The following CHST8 variants were observed in gnomAD, a reference collection of about 807,000 sequenced individuals.
CHST8 encodes GALNAC-4-ST1.
Under a neutral mutation model 15.0 loss-of-function variants are expected in CHST8, and 10 were observed. The observed-to-expected ratio is 0.67, with a 90% CI of 0.41 to 1.13. The LOEUF is 1.13. Among genes scored for constraint, CHST8 ranks in the 50% most tolerant of loss-of-function variants. The pLI, the probability that CHST8 is intolerant of heterozygous loss-of-function variation, is 0.00. For missense variants in CHST8, 634 were observed against 608.2 expected (o/e 1.04, Z -0.45); for synonymous variants, 259 against 256.6 (o/e 1.01, Z -0.09).
At chr19:33,710,872 GTTTT>G (rs10532515) in intron 3 of CHST8, among the ~76,000 whole-genome samples, 1 of 138,620 alleles carries the variant, frequency 7.2e-6, no homozygotes, top group Admixed American at 7.2e-5. Flanking sequence ...AATTTCTGGA[GTTTT>G]TTTTTTTTTT....
At chr19:33,696,789 A>C (rs888478556) in intron 3 of CHST8, among the ~76,000 whole-genome samples, 1 of 151,460 alleles carries the variant, frequency 6.6e-6, no homozygotes, top group African/African-American at 2.4e-5. Flanking sequence ...TCCCACCAGC[A>C]GTGAAAAGCG....
At chr19:33,724,242 GAC>G (rs1973852060) in intron 3 of CHST8, among the ~76,000 whole-genome samples, 1 of 152,114 alleles carries the variant, frequency 6.6e-6, no homozygotes, top group African/African-American at 2.4e-5. Flanking sequence ...GCCCCCTCCT[GAC>G]ACACCCTGCC....
intron 2 of CHST8, among the ~76,000 whole-genome samples, chr19:33,687,333 G>A (rs1001688638): frequency 2.6e-5 from 4 of 152,252 alleles, no homozygotes; most frequent in Non-Finnish European, 5.9e-5. Context: ...CCCCGCACAA[G>A]GGGCTTTGAG....
chr19:33,647,387 AG>A (rs2145206396), intron 1 of CHST8, among the ~76,000 whole-genome samples: 1 of 152,334 alleles, frequency 6.6e-6, no homozygotes, highest in East Asian at 1.9e-4. Flanking sequence ...CAGGTGGGTG[AG>A]GACCAAGGGC....
chr19:33,649,586 A>G (rs1208366483), intron 1 of CHST8, among the ~76,000 whole-genome samples: 1 of 152,208 alleles, frequency 6.6e-6, no homozygotes, highest in Non-Finnish European at 1.5e-5. Flanking sequence ...CTGGACGCAT[A>G]CATACTGAAC....
Position 33,772,197 on chromosome 19 carries a change from C to T in CHST8, c.409C>T (p.Pro137Ser). 1 of 1,592,938 alleles carries T rather than the reference C, an allele frequency of 6.3e-7. No individual in the cohort carries two copies. Among genetic ancestry groups the T allele is most frequent in the Non-Finnish European group, 8.5e-7 (1 of 1,172,984 alleles). Residue 137 changes from proline to serine, a missense_variant, in exon 5 of 5, where the codon CCG becomes TCG. Transcript: ENST00000650847. ...ANSSDAPFIR[P>S]GPGTLDGRWV... The stretch of plus-strand genomic sequence containing the variant: ...CAGCTCGGACGCGCCCTTCATCCGG[C>T]CGGGACCCGGGACGCTGGATGGCCG...
At chr19:33,662,106 A>G (rs1016119819) in intron 1 of CHST8, among the ~76,000 whole-genome samples, 22 of 152,058 alleles carry the variant, frequency 1.4e-4, no homozygotes, top group Admixed American at 1.0e-3. Flanking sequence ...TTTGAGACGG[A>G]GTCTCACTGT....
chr19:33,661,838 C>T (rs772890028), intron 1 of CHST8, among the ~76,000 whole-genome samples: 1 of 143,916 alleles, frequency 6.9e-6, no homozygotes, highest in Non-Finnish European at 1.5e-5. Flanking sequence ...CGAGACCACC[C>T]TGGGCAACAC....
chr19:33,625,881 A>G (rs1568306430), intron 1 of CHST8, among the ~76,000 whole-genome samples: 1 of 151,998 alleles, frequency 6.6e-6, no homozygotes, highest in Non-Finnish European at 1.5e-5. Flanking sequence ...TTTTTTTTAA[A>G]TTGAGGTTGG....
At chr19:33,765,226 T>C (rs1231609730) in intron 3 of CHST8, among the ~76,000 whole-genome samples, 2 of 151,750 alleles carry the variant, frequency 1.3e-5, no homozygotes, top group East Asian at 3.9e-4. Context: ...TCTTCTGTTG[T>C]TGCAAGCCAA....
intron 3 of CHST8, among the ~76,000 whole-genome samples, chr19:33,734,785 C>T (rs1285456800): frequency 1.3e-5 from 2 of 152,188 alleles, no homozygotes; most frequent in African/African-American, 4.8e-5. Flanking sequence ...CCTGGGAGCA[C>T]TGACTTCCCC....
chr19:33,758,880 C>T (rs1974659313), intron 3 of CHST8, among the ~76,000 whole-genome samples: 1 of 151,788 alleles, frequency 6.6e-6, no homozygotes. Context: ...GCTCTGCAGG[C>T]TGGACAGGAA....
chr19:33,731,145 C>T (rs140286402), intron 3 of CHST8, among the ~76,000 whole-genome samples: 2,797 of 152,252 alleles, frequency 0.018, 59 homozygotes, highest in African/African-American at 0.053. Context: ...TCCTTCAATC[C>T]AATCAAGTTG....
In CHST8 at chr19:33,772,105, G is replaced by T; in HGVS notation, c.317G>T (p.Arg106Leu). 6.2e-7 allele frequency: 1 copy of T among 1,611,500 alleles called. No homozygotes were observed. The highest frequency in any genetic ancestry group is 8.5e-7 in the Non-Finnish European group (1 of 1,179,362). Reference protein sequence around the residue: ...QPPLQRGTRLRLRQRRRRLLI... With the variant: ...QPPLQRGTRLLLRQRRRRLLI... ...CCGCTGCAGAGGGGAACCCGTCTGC[G>T]GCTCCGCCAGCGCCGTCGCCGTCTG... Residue 106 changes from arginine to leucine, a missense_variant, in exon 5 of 5, where the codon CGG (arginine) becomes CTG (leucine). Transcript: ENST00000650847.
chr19:33,636,227 A>G (rs557341731), intron 1 of CHST8, among the ~76,000 whole-genome samples: 3 of 152,148 alleles, frequency 2.0e-5, no homozygotes, highest in Admixed American at 1.3e-4. Context: ...GCGCCAATTT[A>G]CTGCCAAACC....
chr19:33,682,198 T>G (rs1335609881), intron 2 of CHST8, among the ~76,000 whole-genome samples: 7 of 145,546 alleles, frequency 4.8e-5, no homozygotes, highest in South Asian at 2.2e-4. Flanking sequence ...TTTTTTTTTT[T>G]TTTTTTTTTT....
At chr19:33,664,442 CT>C (rs1227469655) in intron 1 of CHST8, among the ~76,000 whole-genome samples, 11 of 103,564 alleles carry the variant, frequency 1.1e-4, no homozygotes, top group South Asian at 4.6e-4. Context: ...CCCCTCCCCC[CT>C]CCCCCCTCCC....
intron 1 of CHST8, among the ~76,000 whole-genome samples, chr19:33,644,090 A>C (rs958242980): frequency 3.3e-5 from 5 of 151,796 alleles, no homozygotes; most frequent in African/African-American, 1.2e-4. Context: ...CTGCCACCAC[A>C]CCTGGCTAAT....
Position 33,689,160 on chromosome 19 carries a change from C to A in CHST8, c.-86-16C>A. On this transcript the variant is annotated splice_polypyrimidine_tract_variant and intron_variant, in intron 2 of 4. Coordinates refer to ENST00000650847, the MANE Select transcript of CHST8 (RefSeq NM_001127895.2). ...CCTCGCGCCTCGGTGATGACTATCCCTCCTCTGCCCCGTAGATCTCGGCCT... is the reference window on the plus strand; with the variant it reads ...CCTCGCGCCTCGGTGATGACTATCCATCCTCTGCCCCGTAGATCTCGGCCT... 7.2e-7 allele frequency: 1 copy of A among 1,388,630 alleles called. No homozygotes were observed. The highest frequency in any genetic ancestry group is 9.5e-7 in the Non-Finnish European group (1 of 1,057,200). 86.0% of individuals were successfully genotyped at this position (1,388,630 alleles called of 1,614,324 possible).
Sources: allele counts gnomAD v4.1 joint callset (sites outside exome capture counted in the v4.1 genomes callset), GRCh38; gene constraint gnomAD v4.1.1; transcripts MANE v1.5; gene names NCBI Gene and HGNC (gene_info 2026-07-23, HGNC 2026-07-21).